TPD52: variants seen among roughly 807,000 people sequenced by gnomAD.
TPD52 encodes the protein prostate and colon associated protein.
TPD52 carries 17 observed loss-of-function variants against 31.3 expected under a neutral mutation model. That is an observed-to-expected ratio of 0.54 (90% confidence interval 0.37 to 0.82). TPD52 has a LOEUF of 0.82. TPD52 is among the 40% of genes least tolerant of loss of function. The pLI is 0.00. For synonymous variants in TPD52, 83 were observed against 89.6 expected (o/e 0.93, Z 0.42); for missense variants, 212 against 240.1 (o/e 0.88, Z 0.77).
At chr8:80,156,395 T>C (rs2131228016) in intron 1 of TPD52, among the ~76,000 whole-genome samples, 1 of 152,316 alleles carries the variant, frequency 6.6e-6, no homozygotes, top group African/African-American at 2.4e-5. Flanking sequence ...CGTCTCATTC[T>C]ATTAGTTAGA....
At chr8:80,110,615 A>T (rs1807437444) in intron 1 of TPD52, among the ~76,000 whole-genome samples, 1 of 149,770 alleles carries the variant, frequency 6.7e-6, no homozygotes, top group African/African-American at 2.5e-5. Flanking sequence ...GAGGAAACTT[A>T]AAAAAAACCA....
rs534135144 is a variant in TPD52, at chr8:80,168,693, T to C, written c.19+2732A>G. Among the ~76,000 whole-genome samples the C allele has an allele frequency of 5.9e-5, 9 of 152,316 alleles. No individual in the cohort carries two copies. In the South Asian group the frequency reaches 1.5e-3, roughly 25 times the overall value. On this transcript the variant is annotated intron_variant, in intron 1 of 7. Transcript: ENST00000518937. ...ACTCTACTAGTTCTAAGATCTTCCA[T>C]GTAAAGTTATCCTCCAAGCCCAGCA... is the stretch of plus-strand genomic sequence containing the variant.
intron 1 of TPD52, among the ~76,000 whole-genome samples, chr8:80,121,774 C>G (rs918901877): frequency 4.6e-5 from 7 of 152,172 alleles, no homozygotes; most frequent in African/African-American, 1.7e-4. Flanking sequence ...TCTTTTATCT[C>G]CTTTCATCCA....
intron 1 of TPD52, among the ~76,000 whole-genome samples, chr8:80,167,102 A>G (rs1811765703): frequency 6.6e-6 from 1 of 152,162 alleles, no homozygotes; most frequent in Non-Finnish European, 1.5e-5. Context: ...CTTTTTTAAA[A>G]CTTCCACTAA....
At chr8:80,168,311 G>T (rs943718145) in intron 1 of TPD52, among the ~76,000 whole-genome samples, 1 of 152,262 alleles carries the variant, frequency 6.6e-6, no homozygotes, top group East Asian at 1.9e-4. Flanking sequence ...CAGATTTTTT[G>T]ATAACTTCAC....
At position 80,128,494 on chromosome 8, in the gene TPD52, C is replaced by CAAAAAAAAAAAA. The variant is rs3053828; in HGVS notation, c.19+42919_19+42930dup. On this transcript the variant is annotated intron_variant, in intron 1 of 7. Transcript: ENST00000518937. ...GCAACACAAGGAGACCCTGTCTCTA[C>CAAAAAAAAAAAA]AAAAAAAAAAAAAAAAAATGCTGGG... 6.0e-4 allele frequency among the ~76,000 whole-genome samples: 50 copies of CAAAAAAAAAAAA among 83,122 alleles called. 5 individuals are homozygous for CAAAAAAAAAAAA. The highest frequency in any genetic ancestry group is 2.2e-3 in the African/African-American group (41 of 18,938). 54.5% of individuals were successfully genotyped at this position (83,122 alleles called of 152,430 possible). A position where few individuals can be genotyped will look rare whatever the true frequency, so the allele number is the denominator to read the frequency against.
intron 1 of TPD52, among the ~76,000 whole-genome samples, chr8:80,136,990 A>G (rs565826445): frequency 1.3e-5 from 2 of 152,336 alleles, no homozygotes; most frequent in African/African-American, 4.8e-5. Context: ...TATCACTCTT[A>G]ACAAGTATGG....
rs1319162133 is a variant in TPD52, at chr8:80,064,477, C to T, written c.135+1G>A. On this transcript the variant is annotated splice_donor_variant, in intron 2 of 7. Coordinates refer to ENST00000518937, the MANE Select transcript of TPD52 (RefSeq NM_001025253.3). LOFTEE classifies it high-confidence loss of function. Reference sequence around the variant, plus strand: ...AAGTTGCAAAAGGAATGGTTCTTTACCTTTGCAAGTTCTCTTCTTAGCTCT... The same window carrying T: ...AAGTTGCAAAAGGAATGGTTCTTTATCTTTGCAAGTTCTCTTCTTAGCTCT... The T allele has an allele frequency of 6.2e-7, 1 of 1,612,008 alleles. No individual in the cohort carries two copies. The highest frequency in any genetic ancestry group is 8.5e-7 in the Non-Finnish European group (1 of 1,178,260).
intron 1 of TPD52, among the ~76,000 whole-genome samples, chr8:80,068,062 G>GT (rs78238992): frequency 0.66 from 98,392 of 149,720 alleles, 32,229 homozygotes; most frequent in East Asian, 0.78. Context: ...TTTTAATGTT[G>GT]TTTTTTTTTT....
chr8:80,147,158 T>C (rs73252103), intron 1 of TPD52, among the ~76,000 whole-genome samples: 2,005 of 152,126 alleles, frequency 0.013, 42 homozygotes, highest in African/African-American at 0.046. Flanking sequence ...TCTGCACAAC[T>C]CTCTTTATCT....
intron 1 of TPD52, among the ~76,000 whole-genome samples, chr8:80,105,729 CTTTTTTTTTTTT>C (rs57266800): frequency 8.9e-6 from 1 of 112,766 alleles, no homozygotes; most frequent in Non-Finnish European, 1.7e-5. Context: ...CCCAGGTCTG[CTTTTTTTTTTTT>C]TTTTTTTTGA....
intron 1 of TPD52, among the ~76,000 whole-genome samples, chr8:80,130,228 A>G (rs1457170605): frequency 6.6e-6 from 1 of 152,226 alleles, no homozygotes; most frequent in Non-Finnish European, 1.5e-5. Flanking sequence ...GAACAGACAC[A>G]GACAAAATCA....
chr8:80,111,368 G>A (rs746451989), intron 1 of TPD52, among the ~76,000 whole-genome samples: 15 of 152,278 alleles, frequency 9.9e-5, no homozygotes, highest in Non-Finnish European at 1.8e-4. Context: ...TCAAGCAGTG[G>A]GATCTGACAC....
intron 1 of TPD52, chr8:80,119,727 T>G (rs940742671): frequency 5.2e-5 from 14 of 268,392 alleles, no homozygotes; most frequent in Non-Finnish European, 9.5e-5. Context: ...AACCACACAG[T>G]ACTGGCATAA....
intron 3 of TPD52, 163 bp downstream of exon 3, chr8:80,053,118 CA>C: frequency 3.0e-5 from 20 of 673,436 alleles, no homozygotes; most frequent in Middle Eastern, 3.8e-4. Context: ...ATTGAAGTTA[CA>C]AAAAAAGGCA....
intron 1 of TPD52, among the ~76,000 whole-genome samples, chr8:80,137,452 T>C (rs1471891467): frequency 6.6e-6 from 1 of 152,150 alleles, no homozygotes; most frequent in Non-Finnish European, 1.5e-5. Context: ...ACGTGTCAGT[T>C]AAAACAAGCA....
intron 1 of TPD52, among the ~76,000 whole-genome samples, chr8:80,114,117 T>C (rs968419389): frequency 6.6e-6 from 1 of 152,116 alleles, no homozygotes; most frequent in Non-Finnish European, 1.5e-5. Flanking sequence ...TGGCAGTATA[T>C]ACCTGTAGCT....
intron 1 of TPD52, among the ~76,000 whole-genome samples, chr8:80,159,160 T>C (rs573599566): frequency 1.3e-5 from 2 of 152,302 alleles, no homozygotes; most frequent in East Asian, 3.9e-4. Flanking sequence ...TGAGCACCAG[T>C]ACTAGTAACA....
At chr8:80,032,152 CAAA>C (rs150988844), downstream of TPD52, among the ~76,000 whole-genome samples, 909 of 56,464 alleles carry the variant, frequency 0.016, 7 homozygotes, top group African/African-American at 0.036. Context: ...GACTCCAGCT[CAAA>C]AAAAAAAAAA....
Sources: gnomAD v4.1 joint callset for allele counts (sites outside exome capture counted in the v4.1 genomes callset) on GRCh38, gnomAD v4.1.1 for gene constraint, MANE v1.5 for transcripts, NCBI Gene and HGNC (gene_info 2026-07-23, HGNC 2026-07-21) for gene names.